The following SEC24B variants were observed in gnomAD, a reference collection of about 807,000 sequenced individuals.
The protein encoded by SEC24B is SEC24 homolog B, COPII component, also known as protein transport protein Sec24B.
In SEC24B, 45 loss-of-function variants were observed where a neutral mutation model predicts 142.8. That is an observed-to-expected ratio of 0.32 (90% CI 0.25 to 0.40). SEC24B has a LOEUF of 0.40. Among genes scored for constraint, SEC24B ranks in the 10% least tolerant of loss-of-function variants. The pLI is 1.00. For missense variants in SEC24B, 1,409 were observed against 1,526.8 expected, an observed-to-expected ratio of 0.92 and a Z score of 1.29; for synonymous variants, 574 against 568.2, an observed-to-expected ratio of 1.01 and a Z score of -0.15.
intron 3 of SEC24B, among the ~76,000 whole-genome samples, chr4:109,479,190 G>C (rs988489719): frequency 1.3e-5 from 2 of 152,160 alleles, no homozygotes; most frequent in African/African-American, 4.8e-5. Flanking sequence ...ATAACAGAGT[G>C]CTGCATCATG....
At chr4:109,479,890 CAA>C (rs1561112259) in intron 3 of SEC24B, among the ~76,000 whole-genome samples, 1 of 151,884 alleles carries the variant, frequency 6.6e-6, no homozygotes, top group Non-Finnish European at 1.5e-5. Context: ...GTGCTTGGCT[CAA>C]ATATTCGTTT....
rs77059172 is a variant in SEC24B, at chr4:109,490,667, G to C, written c.1166-660G>C. On this transcript the variant is annotated intron_variant, in intron 4 of 23. Coordinates refer to ENST00000265175, the MANE Select transcript of SEC24B (RefSeq NM_006323.5). The stretch of plus-strand genomic sequence containing the variant: ...CCACATTTCATCATAAATTGTCACT[G>C]AACTCTCATCTTAACAGGTTTTGAA... Among the ~76,000 whole-genome samples, 1,323 of 152,188 alleles carry C rather than the reference G, an allele frequency of 8.7e-3. 24 individuals are homozygous for C. The highest frequency in any genetic ancestry group is 0.03 in the African/African-American group (1,263 of 41,552).
intron 1 of SEC24B, among the ~76,000 whole-genome samples, chr4:109,453,314 A>G (rs1420946358): frequency 6.6e-6 from 1 of 152,008 alleles, no homozygotes; most frequent in Non-Finnish European, 1.5e-5. Context: ...AACCAGTCTG[A>G]CTAGAATTCA....
intron 1 of SEC24B, among the ~76,000 whole-genome samples, chr4:109,438,124 T>G (rs1340524972): frequency 1.3e-5 from 2 of 152,186 alleles, no homozygotes; most frequent in Non-Finnish European, 2.9e-5. Flanking sequence ...TAGGTACATT[T>G]TCTACCAATT....
intron 6 of SEC24B, among the ~76,000 whole-genome samples, chr4:109,504,506 TATC>T (rs1258724578): frequency 6.6e-6 from 1 of 152,164 alleles, no homozygotes; most frequent in African/African-American, 2.4e-5. Context: ...TTCTTTGTGG[TATC>T]ATTTAACTTA....
intron 14 of SEC24B, among the ~76,000 whole-genome samples, chr4:109,522,864 T>C (rs1349257517): frequency 6.6e-6 from 1 of 152,208 alleles, no homozygotes; most frequent in East Asian, 1.9e-4. Flanking sequence ...TTGATTGCTT[T>C]TCAGCTATTA....
chr4:109,484,682 C>T (rs1159615711), intron 4 of SEC24B, among the ~76,000 whole-genome samples: 1 of 152,004 alleles, frequency 6.6e-6, no homozygotes, highest in Admixed American at 6.6e-5. Context: ...GAAACTCTGT[C>T]TCTACTAAAA....
chr4:109,523,227 T>C (rs915887819), intron 14 of SEC24B, among the ~76,000 whole-genome samples: 3 of 152,108 alleles, frequency 2.0e-5, no homozygotes, highest in African/African-American at 7.2e-5. Context: ...CCCGGCACTT[T>C]GGGAGGCAAA....
intron 20 of SEC24B, among the ~76,000 whole-genome samples, chr4:109,532,012 ACG>A: frequency 6.6e-6 from 1 of 152,190 alleles, no homozygotes; most frequent in East Asian, 1.9e-4. Context: ...ACATGCCACC[ACG>A]CCTGGCTAAT....
At chr4:109,517,602 A>G (rs1048222517) in intron 11 of SEC24B, among the ~76,000 whole-genome samples, 3 of 152,212 alleles carry the variant, frequency 2.0e-5, no homozygotes, top group African/African-American at 7.2e-5. Flanking sequence ...TTGTGTTCTC[A>G]CTACAAAAAT....
Position 109,525,401 on chromosome 4 carries a change from T to C in SEC24B, c.2688T>C (p.Tyr896=). The C allele has an allele frequency of 1.9e-6, 3 of 1,611,842 alleles. No homozygotes were observed. The highest frequency in any genetic ancestry group is 2.5e-6 in the Non-Finnish European group (3 of 1,178,688). ...GCIYYYPSFH[Y]THNPSQAEKL... ...TCTATTATTATCCATCATTCCACTA[T>C]ACTCACAATCCTTCACAAGCAGAAA... is the stretch of plus-strand genomic sequence containing the variant. Residue 896 remains tyrosine (Y), a synonymous_variant, in exon 16 of 24, where the codon TAT becomes TAC. Coordinates refer to ENST00000265175, the MANE Select transcript of SEC24B (RefSeq NM_006323.5).
intron 4 of SEC24B, among the ~76,000 whole-genome samples, chr4:109,487,165 CAAAAA>C (rs372133489): frequency 3.7e-5 from 2 of 54,202 alleles, no homozygotes; most frequent in East Asian, 6.3e-4. Context: ...GACTCTGTCT[CAAAAA>C]AAAAAAAAAA....
At chr4:109,528,074 A>G (rs1303663949) in intron 18 of SEC24B, among the ~76,000 whole-genome samples, 9 of 152,106 alleles carry the variant, frequency 5.9e-5, no homozygotes, top group Admixed American at 3.3e-4. Context: ...TCTCAAAGAC[A>G]TTGTGCTGAA....
rs11940005 is a variant in SEC24B at position 109,447,221 on chromosome 4, G to A, written c.133+13219G>A. On this transcript the variant is annotated intron_variant, in intron 1 of 23. Transcript: ENST00000265175. ...AGAAGCATGGCTTGAAAAAAATTTA[G>A]CATGATAAGGATGTGTGTAGAACAG... is the stretch of plus-strand genomic sequence containing the variant. Among the ~76,000 whole-genome samples the A allele has an allele frequency of 7.6e-3, 1,157 of 152,148 alleles. 16 individuals carry two copies. Among genetic ancestry groups the A allele is most frequent in the African/African-American group, 0.025 (1,055 of 41,510 alleles).
chr4:109,512,220 T>C, intron 9 of SEC24B, 137 bp downstream of exon 9: 1 of 762,406 alleles, frequency 1.3e-6, no homozygotes, highest in Non-Finnish European at 2.1e-6. Flanking sequence ...GAATATAGGC[T>C]AAGGCTAGGA....
intron 1 of SEC24B, among the ~76,000 whole-genome samples, chr4:109,461,264 A>G (rs1384242884): frequency 6.6e-6 from 1 of 152,212 alleles, no homozygotes; most frequent in African/African-American, 2.4e-5. Context: ...ATGAGGCAAT[A>G]TGAAGCATTA....
rs745905184 is a variant in SEC24B at position 109,481,680 on chromosome 4, T to C, written c.1064T>C (p.Val355Ala). Residue 355 changes from valine (V) to alanine (A), a missense_variant, in exon 4 of 24, where the codon GTG (valine) becomes GCG (alanine). Val to Ala is a moderately conservative substitution (Grantham distance 64, BLOSUM62 0). Transcript: ENST00000265175. ...GTTTGTGCTTTCCACTTTACAGGCG[T>C]GCAGTATGGTGAATATGTTAATAAC... ...QPSELLQQKG[V>A]QYGEYVNNQA... The C allele has an allele frequency of 2.6e-5, 42 of 1,609,942 alleles. No homozygotes were observed. The South Asian group carries it at 4.2e-4, about 16-fold the overall frequency.
At chr4:109,445,617 G>A (rs1275005412) in intron 1 of SEC24B, among the ~76,000 whole-genome samples, 2 of 151,138 alleles carry the variant, frequency 1.3e-5, no homozygotes, top group Non-Finnish European at 2.9e-5. Flanking sequence ...CACCCAGGCT[G>A]GAGTGCAGTG....
intron 4 of SEC24B, among the ~76,000 whole-genome samples, chr4:109,487,765 A>G (rs918153451): frequency 2.6e-5 from 4 of 152,220 alleles, no homozygotes; most frequent in Admixed American, 1.3e-4. Context: ...TGATATTTTG[A>G]CAGGTTCACA....
Sources: allele counts gnomAD v4.1 joint callset (sites outside exome capture counted in the v4.1 genomes callset), GRCh38; gene constraint gnomAD v4.1.1; transcripts MANE v1.5; gene names NCBI Gene and HGNC (gene_info 2026-07-23, HGNC 2026-07-21).